CPEB2: variants seen among roughly 807,000 people sequenced by gnomAD.
CPEB2 encodes the protein cytoplasmic polyadenylation element-binding protein 2.
In CPEB2, 56 loss-of-function variants were observed where a neutral mutation model predicts 93.6. That is an observed-to-expected ratio of 0.60 (90% CI 0.48 to 0.75). The LOEUF (loss-of-function observed/expected upper bound fraction) is 0.75. CPEB2 is among the 30% of genes least tolerant of loss of function. The pLI is 0.00. For synonymous variants in CPEB2, 764 were observed against 586.3 expected (o/e 1.30, Z -4.38); for missense variants, 1,579 against 1,395.1 (o/e 1.13, Z -2.10).
At chr4:15,042,087 A>G (rs1296935262) in intron 6 of CPEB2, among the ~76,000 whole-genome samples, 2 of 152,208 alleles carry the variant, frequency 1.3e-5, no homozygotes, top group Non-Finnish European at 2.9e-5. Context: ...ATGGAGCTTC[A>G]GTTCTCTGAA....
intron 6 of CPEB2, among the ~76,000 whole-genome samples, chr4:15,047,621 A>G (rs1207926263): frequency 6.6e-6 from 1 of 152,096 alleles, no homozygotes; most frequent in Non-Finnish European, 1.5e-5. Flanking sequence ...GATAAATACA[A>G]TTATTTCTAC....
intron 2 of CPEB2, 32 bp downstream of exon 2, chr4:15,007,618 A>C (rs781152943): frequency 7.3e-7 from 1 of 1,367,760 alleles, no homozygotes; most frequent in South Asian, 1.8e-5. Flanking sequence ...CCTTATCTCT[A>C]ATGTTAATCT....
intron 4 of CPEB2, among the ~76,000 whole-genome samples, chr4:15,020,453 A>G (rs1217881243): frequency 6.6e-6 from 1 of 152,156 alleles, no homozygotes; most frequent in Non-Finnish European, 1.5e-5. Context: ...TTCCTGACCT[A>G]ACTGAGGACT....
chr4:15,003,391 C>A lies in CPEB2; in HGVS notation c.718C>A (p.His240Asn). 7.3e-7 allele frequency: 1 copy of A among 1,375,694 alleles called. No individual in the cohort carries two copies. The highest frequency in any genetic ancestry group is 9.3e-7 in the Non-Finnish European group (1 of 1,075,986). The allele number at this position is 1,375,694 out of a possible 1,614,324, so 85.2% of individuals were successfully genotyped here. A position where few individuals can be genotyped will look rare whatever the true frequency, so the allele number is the denominator to read the frequency against. Reference protein sequence around the residue: ...QQPPQQFSLLHQQHLSPQDFA... With the variant: ...QQPPQQFSLLNQQHLSPQDFA... Reference sequence around the variant, plus strand: ...GCCGCCGCAGCAGTTCAGCCTCCTGCATCAGCAGCACCTCTCGCCGCAGGA... The same window carrying A: ...GCCGCCGCAGCAGTTCAGCCTCCTGAATCAGCAGCACCTCTCGCCGCAGGA... The change falls in exon 1 of 12, where the codon CAT becomes AAT. Residue 240 changes from histidine (H) to asparagine (N), a missense_variant. Physicochemically the swap from His to Asn is moderately conservative, Grantham distance 68 (BLOSUM62 1). Coordinates refer to ENST00000538197, the MANE Select transcript of CPEB2 (RefSeq NM_001177382.2).
intron 3 of CPEB2, among the ~76,000 whole-genome samples, chr4:15,010,858 T>C (rs1723375923): frequency 6.6e-6 from 1 of 152,150 alleles, no homozygotes; most frequent in Admixed American, 6.5e-5. Context: ...TACCGCGGGC[T>C]TTACCTGTGT....
intron 5 of CPEB2, among the ~76,000 whole-genome samples, chr4:15,039,471 C>A (rs895807540): frequency 5.3e-5 from 8 of 151,870 alleles, no homozygotes; most frequent in African/African-American, 1.9e-4. Flanking sequence ...TTTTTCCAGG[C>A]CTAAAAAAAT....
At position 15,003,200 on chromosome 4, in the gene CPEB2, G is replaced by C; in HGVS notation, c.527G>C (p.Ser176Thr). ...FSKRQQQQLS[S>T]QKRKEFSPPH... is the part of the protein sequence containing the mutation. The stretch of plus-strand genomic sequence containing the variant: ...AAGCGGCAGCAGCAGCAGCTGAGCA[G>C]CCAGAAGAGGAAAGAGTTCAGCCCT... Residue 176 changes from serine (S) to threonine (T), a missense_variant, in exon 1 of 12, where the codon AGC becomes ACC. By Grantham distance (58) the Ser-to-Thr change is moderately conservative. This residue lies in a region of CPEB2 where 1,411 missense variants were observed against 1,056.0 expected (regional missense o/e 1.34). Coordinates refer to ENST00000538197, the MANE Select transcript of CPEB2 (RefSeq NM_001177382.2). 4 of 1,533,998 alleles carry C rather than the reference G, an allele frequency of 2.6e-6. No homozygotes were observed. The highest frequency in any genetic ancestry group is 3.5e-6 in the Non-Finnish European group (4 of 1,146,248).
intron 4 of CPEB2, among the ~76,000 whole-genome samples, chr4:15,022,200 C>G (rs1724889161): frequency 6.6e-6 from 1 of 151,980 alleles, no homozygotes. Context: ...TGGAGAAACT[C>G]TGGTATAAGA....
chr4:15,048,924 G>A (rs1727967952), intron 6 of CPEB2, among the ~76,000 whole-genome samples: 1 of 151,682 alleles, frequency 6.6e-6, no homozygotes, highest in Non-Finnish European at 1.5e-5. Context: ...AGGATAATTG[G>A]CAAGGTAAAA....
intron 3 of CPEB2, among the ~76,000 whole-genome samples, chr4:15,012,157 A>G (rs1417399650): frequency 6.6e-6 from 1 of 152,234 alleles, no homozygotes; most frequent in Admixed American, 6.5e-5. Flanking sequence ...GGACATTCAT[A>G]GTCATCAAAC....
chr4:15,058,464 A>G lies in CPEB2; in HGVS notation c.2505A>G (p.Ala835=), dbSNP rs1263834431. ...LLFQEESSVQ[A]LIDACIEEDG... is the part of the protein sequence containing the mutation. ...TTCAAGAAGAGAGCTCAGTTCAGGC[A>G]CTCATTGATGCTTGTATTGAAGAAG... Residue 835 remains alanine (A), a synonymous_variant, in exon 9 of 12, where the codon GCA becomes GCG. Coordinates refer to ENST00000538197, the MANE Select transcript of CPEB2 (RefSeq NM_001177382.2). 2 of 1,612,780 alleles carry G rather than the reference A, an allele frequency of 1.2e-6. No individual in the cohort carries two copies. Among genetic ancestry groups the G allele is most frequent in the Non-Finnish European group, 1.7e-6 (2 of 1,179,012 alleles).
intron 11 of CPEB2, among the ~76,000 whole-genome samples, chr4:15,065,703 C>G (rs1301198111): frequency 6.6e-6 from 1 of 152,060 alleles, no homozygotes; most frequent in Non-Finnish European, 1.5e-5. Flanking sequence ...CTCCACAGTT[C>G]TGGCTTGTCT....
At position 15,068,890 on chromosome 4, in the gene CPEB2, C is replaced by T. The variant is rs1437730100; in HGVS notation, c.*2510C>T. The T allele has an allele frequency of 1.3e-5, 2 of 151,948 alleles. No homozygotes were observed. The highest frequency in any genetic ancestry group is 3.0e-5 in the Non-Finnish European group (2 of 67,746). The allele number at this position is 151,948 out of a possible 1,614,324, so 9.4% of individuals were successfully genotyped here. A position where few individuals can be genotyped will look rare whatever the true frequency, so the allele number is the denominator to read the frequency against. Reference sequence around the variant, plus strand: ...TTAGTCTAATGTTTTGTTCCTTTCCCACCTCACCCCTACCTCTTTTGTTTT... The same window carrying T: ...TTAGTCTAATGTTTTGTTCCTTTCCTACCTCACCCCTACCTCTTTTGTTTT... On this transcript the variant is annotated 3_prime_UTR_variant, in exon 12 of 12. Coordinates refer to ENST00000538197, the MANE Select transcript of CPEB2 (RefSeq NM_001177382.2).
intron 9 of CPEB2, among the ~76,000 whole-genome samples, 173 bp from the exon 10 acceptor site, chr4:15,059,014 C>T (rs1218315339): frequency 6.6e-6 from 1 of 152,140 alleles, no homozygotes; most frequent in African/African-American, 2.4e-5. Flanking sequence ...AGGTCAGAGA[C>T]TGCGGATTTA....
At chr4:15,031,281 T>C (rs1035849402) in intron 4 of CPEB2, among the ~76,000 whole-genome samples, 1 of 152,092 alleles carries the variant, frequency 6.6e-6, no homozygotes, top group Non-Finnish European at 1.5e-5. Context: ...TTTGTTTTTT[T>C]TTTTTAAATC....
At chr4:15,022,192 G>C (rs1051309207) in intron 4 of CPEB2, among the ~76,000 whole-genome samples, 3 of 151,910 alleles carry the variant, frequency 2.0e-5, no homozygotes, top group Non-Finnish European at 2.9e-5. Context: ...AACACACCTG[G>C]AGAAACTCTG....
Position 15,004,170 on chromosome 4 carries a change from TCCG to T in CPEB2, c.1506_1508del (p.Pro503del). 9.4e-7 allele frequency: 1 copy of T among 1,064,132 alleles called. No individual in the cohort carries two copies. 65.9% of individuals were successfully genotyped at this position (1,064,132 alleles called of 1,614,324 possible). On this transcript the variant is annotated inframe_deletion, in exon 1 of 12. Coordinates refer to ENST00000538197, the MANE Select transcript of CPEB2 (RefSeq NM_001177382.2). Reference sequence around the variant, plus strand: ...CCTTCTCGGCTACCGCTGTGCCCCCTCCGCCGCCGCCCGCCATGAATATACCTC... The same window carrying T: ...CCTTCTCGGCTACCGCTGTGCCCCCTCCGCCGCCCGCCATGAATATACCTC...
chr4:15,031,351 T>C (rs1189659164), intron 4 of CPEB2, among the ~76,000 whole-genome samples: 3 of 152,202 alleles, frequency 2.0e-5, no homozygotes, highest in Non-Finnish European at 4.4e-5. Context: ...AATTTGGCCA[T>C]CTGCAGCAAG....
At chr4:15,051,579 T>G (rs1465697516) in intron 6 of CPEB2, among the ~76,000 whole-genome samples, 1 of 152,238 alleles carries the variant, frequency 6.6e-6, no homozygotes, top group Non-Finnish European at 1.5e-5. Flanking sequence ...GCTATTTAAT[T>G]TCACTTAGAG....
Sources: allele counts gnomAD v4.1 joint callset (sites outside exome capture counted in the v4.1 genomes callset), GRCh38; gene constraint gnomAD v4.1.1; regional missense constraint gnomAD v4.1.1; transcripts MANE v1.5; gene names NCBI Gene and HGNC (gene_info 2026-07-23, HGNC 2026-07-21).